The following CALN1 variants were observed in gnomAD, a reference collection of about 807,000 sequenced individuals.
The protein encoded by CALN1 is calcium-binding protein 8.
A neutral mutation model predicts 30.6 loss-of-function variants in CALN1; 17 were observed. The observed-to-expected ratio is 0.56, with a 90% confidence interval of 0.38 to 0.83. CALN1 has a LOEUF of 0.83. Ranked by LOEUF, CALN1 falls within the 40% of genes least tolerant of loss-of-function variation. The pLI is 0.00. For missense variants in CALN1, 291 were observed against 354.9 expected, an observed-to-expected ratio of 0.82 and a Z score of 1.45; for synonymous variants, 156 against 131.4, an observed-to-expected ratio of 1.19 and a Z score of -1.28.
intron 4 of CALN1, among the ~76,000 whole-genome samples, chr7:72,097,500 T>A (rs2129540376): frequency 6.6e-6 from 1 of 152,234 alleles, no homozygotes; most frequent in East Asian, 1.9e-4. Flanking sequence ...GCCATTCTTC[T>A]CAACCTGCTT....
intron 1 of CALN1, among the ~76,000 whole-genome samples, chr7:72,434,193 C>CT (rs1390222308): frequency 3.3e-5 from 5 of 151,584 alleles, no homozygotes; most frequent in East Asian, 1.9e-4. Flanking sequence ...AATAACATTT[C>CT]TTTTTTTTAG....
chr7:72,497,933 G>A, the CALN1 span, among the ~76,000 whole-genome samples: 1 of 152,110 alleles, frequency 6.6e-6, no homozygotes, highest in East Asian at 1.9e-4. Context: ...AGAGAAATTG[G>A]TTGTAATGGA....
chr7:72,430,027 G>T (rs963512842), intron 1 of CALN1, among the ~76,000 whole-genome samples: 1 of 150,898 alleles, frequency 6.6e-6, no homozygotes, highest in African/African-American at 2.4e-5. Context: ...CACCTTGTTG[G>T]CCAGGCTGGT....
At chr7:71,897,977 A>AC (rs1483711312) in intron 5 of CALN1, among the ~76,000 whole-genome samples, 4 of 116,838 alleles carry the variant, frequency 3.4e-5, no homozygotes, top group African/African-American at 1.7e-4. Flanking sequence ...AAAAACAAAA[A>AC]AAAAAAAAAA....
chr7:72,446,636 G>A (rs1174882879), intron 1 of CALN1, among the ~76,000 whole-genome samples: 5 of 152,160 alleles, frequency 3.3e-5, no homozygotes, highest in East Asian at 1.9e-4. Context: ...TGTTCTGACC[G>A]AGTGGCAGGG....
At chr7:72,219,653 G>GCA (rs1174945931) in intron 3 of CALN1, among the ~76,000 whole-genome samples, 1 of 149,558 alleles carries the variant, frequency 6.7e-6, no homozygotes, top group Non-Finnish European at 1.5e-5. Context: ...ACACACACAC[G>GCA]CACACACACC....
chr7:72,022,214 C>G (rs1050319843), intron 5 of CALN1, among the ~76,000 whole-genome samples: 1 of 152,192 alleles, frequency 6.6e-6, no homozygotes, highest in Admixed American at 6.5e-5. Context: ...TCCTTTCTTG[C>G]CCTTCCATTC....
At chr7:72,217,721 T>TA (rs1792936319) in intron 3 of CALN1, among the ~76,000 whole-genome samples, 1 of 151,594 alleles carries the variant, frequency 6.6e-6, no homozygotes, top group Non-Finnish European at 1.5e-5. Context: ...CTCACACCTA[T>TA]AATCCTAATG....
intron 3 of CALN1, among the ~76,000 whole-genome samples, chr7:72,265,839 T>C (rs1796559302): frequency 6.6e-6 from 1 of 152,062 alleles, no homozygotes; most frequent in South Asian, 2.1e-4. Flanking sequence ...GGGAAGGCTT[T>C]CTAAACTACA....
intron 3 of CALN1, among the ~76,000 whole-genome samples, chr7:72,211,514 CA>C (rs1001348936): frequency 1.7e-4 from 25 of 150,028 alleles, no homozygotes; most frequent in Admixed American, 1.6e-3. Context: ...TTACTCCTAT[CA>C]TAGTTCAGGG....
At chr7:72,336,148 G>A (rs1802015951) in intron 2 of CALN1, among the ~76,000 whole-genome samples, 1 of 151,774 alleles carries the variant, frequency 6.6e-6, no homozygotes, top group Admixed American at 6.6e-5. Context: ...AGGAGCGTGC[G>A]CCCAGAAAGG....
intron 4 of CALN1, among the ~76,000 whole-genome samples, chr7:72,105,053 A>C (rs1230203029): frequency 6.6e-6 from 1 of 151,122 alleles, no homozygotes; most frequent in African/African-American, 2.4e-5. Context: ...AAAAGGTGAG[A>C]ACATGTGGTG....
At chr7:71,892,049 T>C (rs1225416396) in intron 5 of CALN1, among the ~76,000 whole-genome samples, 2 of 152,208 alleles carry the variant, frequency 1.3e-5, no homozygotes, top group South Asian at 4.1e-4. Flanking sequence ...ATATCATGCC[T>C]GTCTCGGTAT....
chr7:71,916,892 A>T (rs1794711617), intron 5 of CALN1, among the ~76,000 whole-genome samples: 1 of 152,182 alleles, frequency 6.6e-6, no homozygotes, highest in South Asian at 2.1e-4. Flanking sequence ...TGGGCCACAG[A>T]CAGTCTTCTG....
chr7:71,867,410 A>T (rs1261866309), intron 5 of CALN1, among the ~76,000 whole-genome samples: 1 of 151,772 alleles, frequency 6.6e-6, no homozygotes, highest in Non-Finnish European at 1.5e-5. Context: ...TTGTGGGGAG[A>T]GATGGGGACT....
At chr7:72,122,971 A>G (rs968253787) in intron 3 of CALN1, among the ~76,000 whole-genome samples, 7 of 152,232 alleles carry the variant, frequency 4.6e-5, no homozygotes, top group Non-Finnish European at 8.8e-5. Context: ...AGCAATAGCT[A>G]TAGAGACCAC....
chr7:72,337,052 C>G lies in CALN1; in HGVS notation c.120-58242G>C, dbSNP rs1459304495. The G allele has an allele frequency of 5.1e-6, 5 of 985,508 alleles. No individual in the cohort carries two copies. The East Asian group carries it at 3.4e-4, about 67-fold the overall frequency. The allele number at this position is 985,508 out of a possible 1,614,324, so 61.0% of individuals were successfully genotyped here. A position where few individuals can be genotyped will look rare whatever the true frequency, so the allele number is the denominator to read the frequency against. On this transcript the variant is annotated intron_variant, in intron 2 of 6. Coordinates refer to ENST00000395275, the MANE Select transcript of CALN1 (RefSeq NM_031468.4). ...ACCCCCTGCACCGCGCGCTCCTCTA[C>G]CCCTCCCGCTCCCGCTGGCCGCGCG...
chr7:72,397,599 G>A lies in CALN1; in HGVS notation c.119+5652C>T, dbSNP rs1331714099. ...GTCAGGAAATGTGTTCCTCAATGGGGCAGAGATTTTTACACAATGGTTAGG... is the reference window on the plus strand; with the variant it reads ...GTCAGGAAATGTGTTCCTCAATGGGACAGAGATTTTTACACAATGGTTAGG... On this transcript the variant is annotated intron_variant, in intron 2 of 6. Transcript: ENST00000395275. 2.0e-5 allele frequency among the ~76,000 whole-genome samples: 3 copies of A among 152,136 alleles called. No individual in the cohort carries two copies. In the South Asian group the frequency reaches 6.2e-4, roughly 32 times the overall value.
chr7:72,147,145 G>T (rs1786815394), intron 3 of CALN1, among the ~76,000 whole-genome samples: 1 of 152,166 alleles, frequency 6.6e-6, no homozygotes, highest in African/African-American at 2.4e-5. Context: ...AAGAGCTTCT[G>T]CACAGCAAAA....
Sources: allele counts gnomAD v4.1 joint callset (sites outside exome capture counted in the v4.1 genomes callset), GRCh38; gene constraint gnomAD v4.1.1; transcripts MANE v1.5; gene names NCBI Gene and HGNC (gene_info 2026-07-23, HGNC 2026-07-21).